SLC10A7: variants seen among roughly 807,000 people sequenced by gnomAD.
SLC10A7 encodes sodium/bile acid cotransporter 7.
In SLC10A7, 29 loss-of-function variants were observed where a neutral mutation model predicts 43.2. The ratio of observed to expected loss-of-function variants is 0.67; its 90% CI spans 0.50 to 0.92. The LOEUF is 0.92. Among genes scored for constraint, SLC10A7 ranks in the 40% least tolerant of loss-of-function variants. SLC10A7 has a pLI of 0.00. For synonymous variants in SLC10A7, 152 were observed against 144.8 expected, an observed-to-expected ratio of 1.05 and a Z score of -0.35; for missense variants, 295 against 403.2, an observed-to-expected ratio of 0.73 and a Z score of 2.30.
chr4:146,267,303 G>C (rs973190729), intron 10 of SLC10A7, among the ~76,000 whole-genome samples: 2 of 152,114 alleles, frequency 1.3e-5, no homozygotes, highest in Non-Finnish European at 2.9e-5. Flanking sequence ...CCTACAGTGT[G>C]GCTTTTTGGA....
chr4:146,317,016 A>G (rs1373400581), intron 6 of SLC10A7, among the ~76,000 whole-genome samples: 2 of 152,118 alleles, frequency 1.3e-5, no homozygotes, highest in East Asian at 3.9e-4. Context: ...AGGGTTAAAG[A>G]AAACCTACTT....
chr4:146,507,006 T>C (rs1215488806), intron 3 of SLC10A7, among the ~76,000 whole-genome samples: 1 of 152,212 alleles, frequency 6.6e-6, no homozygotes, highest in African/African-American at 2.4e-5. Flanking sequence ...CATGATGTTT[T>C]GACATGTGTA....
chr4:146,348,582 A>G (rs1015790223), intron 5 of SLC10A7, among the ~76,000 whole-genome samples: 4 of 152,174 alleles, frequency 2.6e-5, no homozygotes, highest in Non-Finnish European at 5.9e-5. Context: ...GGTATTTGAC[A>G]AGCTTTTAAA....
chr4:146,415,907 A>C (rs1428646459), intron 5 of SLC10A7, among the ~76,000 whole-genome samples: 1 of 152,196 alleles, frequency 6.6e-6, no homozygotes, highest in South Asian at 2.1e-4. Context: ...CACAAAGAGC[A>C]CTGTACAAAT....
At chr4:146,460,553 T>C (rs1312955857) in intron 4 of SLC10A7, among the ~76,000 whole-genome samples, 2 of 151,960 alleles carry the variant, frequency 1.3e-5, no homozygotes, top group African/African-American at 4.8e-5. Context: ...TCAAAAGCAC[T>C]CTGCTAAGTA....
rs1727827563 is a variant in SLC10A7, at chr4:146,255,174, T to A, written c.*1317A>T. ...TGTAAGAGGATGTGACAGGACGGCA[T>A]GGGGGAAACACAGAAAAGTGTTCTC... On this transcript the variant is annotated 3_prime_UTR_variant, in exon 12 of 12. Coordinates refer to ENST00000335472, the MANE Select transcript of SLC10A7 (RefSeq NM_001029998.6). The A allele has an allele frequency of 6.6e-6, 1 of 152,522 alleles. No homozygotes were observed. Among genetic ancestry groups the A allele is most frequent in the African/African-American group, 2.4e-5 (1 of 41,398 alleles). 9.4% of individuals were successfully genotyped at this position (152,522 alleles called of 1,614,324 possible). A position where few individuals can be genotyped will look rare whatever the true frequency, so the allele number is the denominator to read the frequency against.
At chr4:146,313,341 G>A (rs1732108644) in intron 6 of SLC10A7, among the ~76,000 whole-genome samples, 1 of 152,160 alleles carries the variant, frequency 6.6e-6, no homozygotes, top group Admixed American at 6.5e-5. Context: ...AGTCCTTAAT[G>A]GGGGAAGAAG....
rs150444813 is a variant in SLC10A7 at position 146,280,687 on chromosome 4, A to G, written c.847+2505T>C. Among the ~76,000 whole-genome samples the G allele has an allele frequency of 1.2e-3, 185 of 152,282 alleles. 2 individuals are homozygous for G. The East Asian group carries it at 0.02, about 16-fold the overall frequency. On this transcript the variant is annotated intron_variant, in intron 10 of 11. Coordinates refer to ENST00000335472, the MANE Select transcript of SLC10A7 (RefSeq NM_001029998.6). Reference sequence around the variant, plus strand: ...TGGATACAGTAAATTTATAGTGCTTAACAAGAACATTCTAGCATTAGTATC... The same window carrying G: ...TGGATACAGTAAATTTATAGTGCTTGACAAGAACATTCTAGCATTAGTATC...
At position 146,275,698 on chromosome 4, in the gene SLC10A7, G is replaced by A. The variant is rs138932400; in HGVS notation, c.847+7494C>T. ...ATTCCAGCAGACAAGGCCAAAGGAAGTTTAAGGTAGGTGAAGCTTAGCTGT... is the reference window on the plus strand; with the variant it reads ...ATTCCAGCAGACAAGGCCAAAGGAAATTTAAGGTAGGTGAAGCTTAGCTGT... On this transcript the variant is annotated intron_variant, in intron 10 of 11. Transcript: ENST00000335472. 3.8e-3 allele frequency among the ~76,000 whole-genome samples: 584 copies of A among 152,204 alleles called. 2 individuals are homozygous for A. The highest frequency in any genetic ancestry group is 0.013 in the African/African-American group (532 of 41,550).
intron 3 of SLC10A7, among the ~76,000 whole-genome samples, chr4:146,509,077 A>G (rs1737197639): frequency 6.6e-6 from 1 of 152,176 alleles, no homozygotes; most frequent in Admixed American, 6.5e-5. Flanking sequence ...TCTGAAATCT[A>G]AATTAATCAA....
intron 4 of SLC10A7, among the ~76,000 whole-genome samples, chr4:146,451,868 A>G (rs1270355015): frequency 6.6e-6 from 1 of 152,044 alleles, no homozygotes; most frequent in Non-Finnish European, 1.5e-5. Flanking sequence ...TCTGGTACTG[A>G]CACTTCTTCC....
At chr4:146,456,500 T>C (rs913567247) in intron 4 of SLC10A7, among the ~76,000 whole-genome samples, 1 of 151,990 alleles carries the variant, frequency 6.6e-6, no homozygotes, top group African/African-American at 2.4e-5. Context: ...CAACTGGCTA[T>C]AAATTCAGGG....
intron 6 of SLC10A7, among the ~76,000 whole-genome samples, chr4:146,311,200 C>A (rs1265116523): frequency 6.6e-6 from 1 of 152,080 alleles, no homozygotes; most frequent in Non-Finnish European, 1.5e-5. Context: ...CCCATTCAAT[C>A]TAGAAACTAT....
intron 5 of SLC10A7, among the ~76,000 whole-genome samples, chr4:146,405,448 A>G (rs1004181306): frequency 5.9e-5 from 9 of 152,182 alleles, no homozygotes; most frequent in Non-Finnish European, 1.0e-4. Context: ...AAGTCAGAGA[A>G]ATGATGAAAA....
At position 146,361,603 on chromosome 4, in the gene SLC10A7, C is replaced by T. The variant is rs1422303368; in HGVS notation, c.436-35607G>A. Among the ~76,000 whole-genome samples, 5 of 152,084 alleles carry T rather than the reference C, an allele frequency of 3.3e-5. 1 individual carries two copies. Among genetic ancestry groups the T allele is most frequent in the Non-Finnish European group, 7.4e-5 (5 of 68,020 alleles). ...CTCCTTTGAATTCCTGGAAAGCCCT[C>T]TCAAGAAGGATGAGTACAAACAGGT... On this transcript the variant is annotated intron_variant, in intron 5 of 11. Coordinates refer to ENST00000335472, the MANE Select transcript of SLC10A7 (RefSeq NM_001029998.6).
At chr4:146,306,988 GA>G (rs958288946) in intron 6 of SLC10A7, among the ~76,000 whole-genome samples, 5 of 152,106 alleles carry the variant, frequency 3.3e-5, no homozygotes, top group African/African-American at 1.2e-4. Context: ...CAATTTTTGT[GA>G]AAGGACATGG....
intron 4 of SLC10A7, among the ~76,000 whole-genome samples, chr4:146,454,650 A>C (rs1229953473): frequency 6.6e-6 from 1 of 151,942 alleles, no homozygotes; most frequent in East Asian, 1.9e-4. Flanking sequence ...TAAGAATTTT[A>C]GAGGCTCTCT....
At chr4:146,327,646 A>G (rs1405909580) in intron 5 of SLC10A7, among the ~76,000 whole-genome samples, 1 of 152,256 alleles carries the variant, frequency 6.6e-6, no homozygotes, top group African/African-American at 2.4e-5. Context: ...GAGATTCAAG[A>G]GTAAGTACAA....
chr4:146,304,021 A>G (rs1169621910), intron 7 of SLC10A7, among the ~76,000 whole-genome samples: 1 of 151,224 alleles, frequency 6.6e-6, no homozygotes, highest in Non-Finnish European at 1.5e-5. Context: ...TTAGTTGTGC[A>G]TTAAATTCTA....
Sources: gnomAD v4.1 joint callset for allele counts (sites outside exome capture counted in the v4.1 genomes callset) on GRCh38, gnomAD v4.1.1 for gene constraint, MANE v1.5 for transcripts, NCBI Gene and HGNC (gene_info 2026-07-23, HGNC 2026-07-21) for gene names.